MMD2: variants seen among roughly 807,000 people sequenced by gnomAD.
MMD2 encodes monocyte to macrophage differentiation associated 2.
In MMD2, 30 loss-of-function variants were observed where a neutral mutation model predicts 33.5. The ratio of observed to expected loss-of-function variants is 0.90; its 90% CI spans 0.67 to 1.22. The LOEUF is 1.22. MMD2 is among the 50% of genes most tolerant of loss of function. The pLI is 0.00. For synonymous variants in MMD2, 129 were observed against 123.0 expected, an observed-to-expected ratio of 1.05 and a Z score of -0.32; for missense variants, 364 against 325.4, an observed-to-expected ratio of 1.12 and a Z score of -0.91.
intron 1 of MMD2, among the ~76,000 whole-genome samples, chr7:4,949,145 G>A (rs1246406138): frequency 6.6e-6 from 1 of 151,318 alleles, no homozygotes; most frequent in East Asian, 1.9e-4. Context: ...GGGAGGCAAA[G>A]GTTGCAGTGA....
chr7:4,958,090 G>T (rs2115170876), intron 1 of MMD2, among the ~76,000 whole-genome samples: 1 of 152,280 alleles, frequency 6.6e-6, no homozygotes, highest in South Asian at 2.1e-4. Flanking sequence ...GGGACCCCAG[G>T]TGGCAGAGGG....
At chr7:4,957,859 C>T (rs564730562) in intron 1 of MMD2, among the ~76,000 whole-genome samples, 1 of 152,310 alleles carries the variant, frequency 6.6e-6, no homozygotes, top group Admixed American at 6.5e-5. Context: ...CGCCAGCCTT[C>T]CCTACCCTGG....
At chr7:4,957,957 C>G (rs1183595677) in intron 1 of MMD2, among the ~76,000 whole-genome samples, 5 of 152,202 alleles carry the variant, frequency 3.3e-5, no homozygotes, top group Admixed American at 6.5e-5. Flanking sequence ...AGGGCACTCT[C>G]AACAACCAGT....
chr7:4,911,867 C>T (rs936088812), intron 4 of MMD2, among the ~76,000 whole-genome samples: 13 of 152,120 alleles, frequency 8.5e-5, no homozygotes, highest in Admixed American at 2.6e-4. Flanking sequence ...AAGCTGGTCG[C>T]GAACTCCTGA....
At chr7:4,914,500 G>T (rs1486835256) in intron 4 of MMD2, among the ~76,000 whole-genome samples, 1 of 152,012 alleles carries the variant, frequency 6.6e-6, no homozygotes, top group Non-Finnish European at 1.5e-5. Context: ...TATTTATTTG[G>T]TTTTCGGTTT....
chr7:4,911,274 C>T (rs1583357306), intron 4 of MMD2, 28 bp from the exon 5 acceptor site: 1 of 1,546,688 alleles, frequency 6.5e-7, no homozygotes, highest in Non-Finnish European at 8.8e-7. Context: ...AAGGCCATGG[C>T]CCTGAGGGGG....
At chr7:4,944,005 A>T (rs755378956) in intron 1 of MMD2, among the ~76,000 whole-genome samples, 1 of 151,594 alleles carries the variant, frequency 6.6e-6, no homozygotes, top group South Asian at 2.1e-4. Flanking sequence ...AGGTCTCACT[A>T]TGTTGCTCAC....
intron 1 of MMD2, among the ~76,000 whole-genome samples, chr7:4,958,379 A>G (rs1263229394): frequency 6.6e-6 from 1 of 152,066 alleles, no homozygotes; most frequent in Non-Finnish European, 1.5e-5. Flanking sequence ...GTTAATCACC[A>G]TTTTACAAAA....
chr7:4,930,536 C>T (rs141965496), intron 1 of MMD2, among the ~76,000 whole-genome samples: 4,000 of 149,422 alleles, frequency 0.027, 198 homozygotes, highest in African/African-American at 0.093. Flanking sequence ...CCCAGCTACT[C>T]GGGAGGCTGA....
chr7:4,902,580 G>C (rs1784809392), downstream of MMD2, among the ~76,000 whole-genome samples: 1 of 152,188 alleles, frequency 6.6e-6, no homozygotes, highest in Non-Finnish European at 1.5e-5. Context: ...AGACAGGTGA[G>C]CCTCTGCCTG....
rs1318126048 is a variant in MMD2 at position 4,940,349 on chromosome 7, C to G, written c.48-14817G>C. Among the ~76,000 whole-genome samples, 2 of 152,206 alleles carry G rather than the reference C, an allele frequency of 1.3e-5. No individual in the cohort carries two copies. The highest frequency in any genetic ancestry group is 4.8e-5 in the African/African-American group (2 of 41,458). ...TATGGCCCCCAGAAAGAAGCCTGAC[C>G]CCTTTCATGAATGAGCCCGGGCCCC... On this transcript the variant is annotated intron_variant, in intron 1 of 6. Transcript: ENST00000401401. The surrounding 1 kb of genome is among the most constrained non-coding windows in gnomAD (Gnocchi z 5.0).
At chr7:4,939,366 C>A (rs966593090) in intron 1 of MMD2, among the ~76,000 whole-genome samples, 3 of 151,882 alleles carry the variant, frequency 2.0e-5, no homozygotes, top group South Asian at 4.2e-4. Flanking sequence ...TAGCAAGACC[C>A]TTTCTCTACA....
rs976012985 is a variant in MMD2, at chr7:4,959,010, G to A, written c.8C>T (p.Ala3Val). 19 of 1,272,036 alleles carry A rather than the reference G, an allele frequency of 1.5e-5. No individual in the cohort carries two copies. Among genetic ancestry groups the A allele is most frequent in the Admixed American group, 1.2e-4 (3 of 24,138 alleles). 78.8% of individuals were successfully genotyped at this position (1,272,036 alleles called of 1,614,324 possible). MF[A>V]PRLLDFQKTK... is the part of the protein sequence containing the mutation. ...CTTCTGGAAATCCAGCAGCCGGGGG[G>A]CGAACATCGCGGCGCTTCCATGGGA... Residue 3 changes from alanine to valine, a missense_variant, in exon 1 of 7, where the codon GCC becomes GTC. Physicochemically the swap from Ala to Val is moderately conservative, Grantham distance 64. Transcript: ENST00000401401.
At chr7:4,926,753 CTTTTTTT>C (rs369475675) in intron 1 of MMD2, among the ~76,000 whole-genome samples, 7 of 150,428 alleles carry the variant, frequency 4.7e-5, no homozygotes, top group African/African-American at 1.2e-4. Context: ...TTTCTTTTTT[CTTTTTTT>C]TTGAGACGGA....
the MMD2 span, among the ~76,000 whole-genome samples, chr7:4,896,961 G>C: frequency 2.6e-5 from 4 of 152,036 alleles, no homozygotes; most frequent in Non-Finnish European, 5.9e-5. Flanking sequence ...CCGGGTTCAA[G>C]TGATTCTCCT....
At chr7:4,920,569 T>A (rs1785255278) in intron 2 of MMD2, among the ~76,000 whole-genome samples, 1 of 148,504 alleles carries the variant, frequency 6.7e-6, no homozygotes, top group Admixed American at 6.7e-5. Flanking sequence ...CCTTCCAGCC[T>A]TCCTTCCTTC....
intron 1 of MMD2, among the ~76,000 whole-genome samples, chr7:4,951,385 C>T (rs1211992364): frequency 1.3e-5 from 2 of 152,036 alleles, no homozygotes; most frequent in Non-Finnish European, 2.9e-5. Flanking sequence ...AGTATCCTCT[C>T]CACGCCCAGC....
Position 4,907,244 on chromosome 7 carries a change from G to T in MMD2, c.*152C>A, listed in dbSNP as rs1403476515. 7 of 679,186 alleles carry T rather than the reference G, an allele frequency of 1.0e-5. No homozygotes were observed. The highest frequency in any genetic ancestry group is 1.8e-5 in the Non-Finnish European group (7 of 389,520). The allele number at this position is 679,186 out of a possible 1,614,324, so 42.1% of individuals were successfully genotyped here. A position where few individuals can be genotyped will look rare whatever the true frequency, so the allele number is the denominator to read the frequency against. On this transcript the variant is annotated 3_prime_UTR_variant, in exon 7 of 7. Coordinates refer to ENST00000401401, the MANE Select transcript of MMD2 (RefSeq NM_198403.4). ...TTTCTTTCTCGCTGGGGACTCGAGG[G>T]ATGATCTGGCTGTCACCAGAAGTCA...
At chr7:4,956,014 T>C (rs55729215) in intron 1 of MMD2, among the ~76,000 whole-genome samples, 3,018 of 151,916 alleles carry the variant, frequency 0.02, 108 homozygotes, top group African/African-American at 0.07. Context: ...GATTGCGCCA[T>C]TGCACTCCAG....
Sources: gnomAD v4.1 joint callset for allele counts (sites outside exome capture counted in the v4.1 genomes callset) on GRCh38, gnomAD v4.1.1 for gene constraint, Gnocchi (gnomAD v3.1) non-coding constraint, MANE v1.5 for transcripts, NCBI Gene and HGNC (gene_info 2026-07-23, HGNC 2026-07-21) for gene names.